The following ANKFN1 variants were observed in gnomAD, a reference collection of about 807,000 sequenced individuals.
The protein encoded by ANKFN1 is ankyrin repeat and fibronectin type III domain containing 1, also known as ankyrin repeat and fibronectin type-III domain-containing protein 1.
In ANKFN1, 74 loss-of-function variants were observed where a neutral mutation model predicts 108.7. The observed-to-expected ratio is 0.68, with a 90% CI of 0.56 to 0.83. The LOEUF (loss-of-function observed/expected upper bound fraction) is 0.83, where lower values mean the gene tolerates loss of function less well. ANKFN1 is among the 40% of genes least tolerant of loss of function. The probability of loss-of-function intolerance (pLI) is 0.00; values close to 1 mark genes in which losing one functional copy is unlikely to be tolerated. For synonymous variants in ANKFN1, 547 were observed against 516.2 expected (o/e 1.06, Z -0.81); for missense variants, 1,505 against 1,382.3 (o/e 1.09, Z -1.41).
intron 4 of ANKFN1, among the ~76,000 whole-genome samples, chr17:56,115,044 C>T (rs1387643537): frequency 6.6e-6 from 1 of 152,174 alleles, no homozygotes; most frequent in Non-Finnish European, 1.5e-5. Flanking sequence ...CAGTGAGATC[C>T]ATGTCAGACT....
At chr17:56,418,050 T>G (rs971208319) in intron 8 of ANKFN1, among the ~76,000 whole-genome samples, 4 of 152,212 alleles carry the variant, frequency 2.6e-5, no homozygotes, top group African/African-American at 9.6e-5. Flanking sequence ...TACTATCCAA[T>G]AGAAATCGTT....
chr17:56,070,955 C>T (rs540959545), intron 4 of ANKFN1, among the ~76,000 whole-genome samples: 8 of 151,832 alleles, frequency 5.3e-5, no homozygotes, highest in South Asian at 4.2e-4. Flanking sequence ...AGGATGGTCT[C>T]GATCTCTCGA....
At chr17:56,301,313 C>T (rs78419720) in intron 3 of ANKFN1, among the ~76,000 whole-genome samples, 2,504 of 152,302 alleles carry the variant, frequency 0.016, 32 homozygotes, top group Admixed American at 0.045. Context: ...GCAACATGCT[C>T]ACCGCCAGAT....
At chr17:56,407,347 T>C (rs186046477) in intron 8 of ANKFN1, among the ~76,000 whole-genome samples, 10 of 152,336 alleles carry the variant, frequency 6.6e-5, no homozygotes, top group Admixed American at 2.0e-4. Context: ...ATATGTGTTA[T>C]ATCACTTAAT....
At chr17:56,070,536 A>G (rs988724330) in intron 4 of ANKFN1, among the ~76,000 whole-genome samples, 1 of 152,102 alleles carries the variant, frequency 6.6e-6, no homozygotes, top group Non-Finnish European at 1.5e-5. Context: ...GTTCCCAAAT[A>G]AGGTCACATT....
At chr17:56,094,487 T>A (rs896869203) in intron 4 of ANKFN1, among the ~76,000 whole-genome samples, 3 of 128,838 alleles carry the variant, frequency 2.3e-5, no homozygotes, top group African/African-American at 1.0e-4. Context: ...TTTTTTTTTT[T>A]TTTTTTTTTT....
intron 3 of ANKFN1, chr17:56,257,947 G>C (rs1322556851): frequency 6.6e-6 from 1 of 152,124 alleles, no homozygotes; most frequent in Non-Finnish European, 1.5e-5. Flanking sequence ...TGCTGCCCTG[G>C]AAGCCTCACT....
chr17:56,165,534 A>C (rs1435676447), intron 1 of ANKFN1, among the ~76,000 whole-genome samples: 1 of 152,184 alleles, frequency 6.6e-6, no homozygotes, highest in African/African-American at 2.4e-5. Context: ...TTCTAGTGGA[A>C]TTTATAAAAT....
intron 8 of ANKFN1, among the ~76,000 whole-genome samples, chr17:56,391,554 G>T (rs2047439192): frequency 2.0e-5 from 3 of 151,800 alleles, no homozygotes; most frequent in Admixed American, 2.0e-4. Context: ...AGCCTCTGGA[G>T]TAGCTGGGAT....
At chr17:56,274,333 C>T (rs865966757) in intron 3 of ANKFN1, among the ~76,000 whole-genome samples, 4 of 152,038 alleles carry the variant, frequency 2.6e-5, no homozygotes, top group Admixed American at 6.6e-5. Flanking sequence ...ATTAGCTGGG[C>T]GTGGTGGCGG....
upstream of ANKFN1, among the ~76,000 whole-genome samples, chr17:56,151,875 G>A (rs1457600666): frequency 6.6e-6 from 1 of 152,124 alleles, no homozygotes; most frequent in Admixed American, 6.6e-5. Context: ...CTTCCCTTGA[G>A]CTTAATGCAG....
chr17:56,440,261 T>A (rs2049055847), intron 8 of ANKFN1, 66 bp from the exon 9 acceptor site: 1 of 991,298 alleles, frequency 1.0e-6, no homozygotes, highest in African/African-American at 1.6e-5. Context: ...CTATGGTACT[T>A]CTTGATGTGT....
chr17:56,105,449 C>CCT (rs981283733), intron 4 of ANKFN1, among the ~76,000 whole-genome samples: 1 of 151,592 alleles, frequency 6.6e-6, no homozygotes, highest in Non-Finnish European at 1.5e-5. Flanking sequence ...GAAATTGTTC[C>CCT]CTCTCTCTCT....
chr17:56,202,825 C>A (rs541107165), intron 1 of ANKFN1, among the ~76,000 whole-genome samples: 7 of 151,966 alleles, frequency 4.6e-5, no homozygotes, highest in Non-Finnish European at 8.8e-5. Context: ...TATAATGATG[C>A]GAAAGAATGC....
At chr17:56,271,587 T>C (rs1471169407) in intron 3 of ANKFN1, among the ~76,000 whole-genome samples, 1 of 152,156 alleles carries the variant, frequency 6.6e-6, no homozygotes, top group Non-Finnish European at 1.5e-5. Flanking sequence ...TAAGGTAGTA[T>C]CGATGCATTG....
chr17:56,144,533 G>A (rs530859220), intron 4 of ANKFN1, among the ~76,000 whole-genome samples: 29 of 152,288 alleles, frequency 1.9e-4, no homozygotes, highest in African/African-American at 5.3e-4. Context: ...ATGCCCTCGC[G>A]GGAGTCCCTA....
intron 3 of ANKFN1, among the ~76,000 whole-genome samples, chr17:56,324,475 C>T (rs1403662693): frequency 6.6e-6 from 1 of 152,144 alleles, no homozygotes; most frequent in Non-Finnish European, 1.5e-5. Flanking sequence ...GCACGTGTAA[C>T]TCATGACCCC....
intron 10 of ANKFN1, among the ~76,000 whole-genome samples, chr17:56,443,210 C>G (rs750759462): frequency 2.6e-5 from 4 of 152,106 alleles, no homozygotes; most frequent in Non-Finnish European, 4.4e-5. Context: ...AGTTGTTTAA[C>G]AGTCAGGCAT....
chr17:56,146,137 C>G (rs1490103798), intron 4 of ANKFN1, among the ~76,000 whole-genome samples: 1 of 152,228 alleles, frequency 6.6e-6, no homozygotes, highest in Admixed American at 6.5e-5. Context: ...GAATGATCCC[C>G]TTTGACTCCA....
Sources: gnomAD v4.1 joint callset for allele counts (sites outside exome capture counted in the v4.1 genomes callset) on GRCh38, gnomAD v4.1.1 for gene constraint, MANE v1.5 for transcripts, NCBI Gene and HGNC (gene_info 2026-07-23, HGNC 2026-07-21) for gene names.